The following ANK3 variants were observed in gnomAD, a reference collection of about 807,000 sequenced individuals.
ANK3 encodes ankyrin-3.
In ANK3, 57 loss-of-function variants were observed where a neutral mutation model predicts 370.9. The ratio of observed to expected loss-of-function variants is 0.15; its 90% CI spans 0.12 to 0.19. The LOEUF (loss-of-function observed/expected upper bound fraction) is 0.19, where lower values mean the gene tolerates loss of function less well. Among genes scored for constraint, ANK3 ranks in the 10% least tolerant of loss-of-function variants. The probability of loss-of-function intolerance (pLI) is 1.00; values close to 1 mark genes in which losing one functional copy is unlikely to be tolerated. For synonymous variants in ANK3, 1,929 were observed against 1,946.3 expected (o/e 0.99, Z 0.23); for missense variants, 4,439 against 5,302.1 (o/e 0.84, Z 5.06).
At chr10:60,496,621 T>C (rs2075662776) in intron 2 of ANK3, among the ~76,000 whole-genome samples, 1 of 151,938 alleles carries the variant, frequency 6.6e-6, no homozygotes, top group African/African-American at 2.4e-5. Context: ...CTTTTTATTA[T>C]TATGGCTCAA....
chr10:60,321,302 C>G (rs979066647), intron 1 of ANK3, among the ~76,000 whole-genome samples: 1 of 151,610 alleles, frequency 6.6e-6, no homozygotes, highest in Non-Finnish European at 1.5e-5. Context: ...GTTGGAGGAT[C>G]ACTTGAACTT....
intron 2 of ANK3, among the ~76,000 whole-genome samples, chr10:60,394,924 A>C (rs2063185090): frequency 6.6e-6 from 1 of 152,100 alleles, no homozygotes; most frequent in African/African-American, 2.4e-5. Flanking sequence ...TATATAAGGA[A>C]GTTTTATTCA....
chr10:60,081,743 C>T (rs1221376476), intron 35 of ANK3: 4 of 288,416 alleles, frequency 1.4e-5, no homozygotes, highest in Non-Finnish European at 2.1e-5. Context: ...GTCTATTTGG[C>T]GGGTTCGAAG....
chr10:60,394,130 C>T (rs142324777), upstream of ANK3, among the ~76,000 whole-genome samples: 4 of 148,806 alleles, frequency 2.7e-5, no homozygotes, highest in East Asian at 2.0e-4. Flanking sequence ...CAAAGAAATC[C>T]GGATCCACGA....
intron 1 of ANK3, among the ~76,000 whole-genome samples, chr10:60,708,250 AG>A (rs1412091176): frequency 6.6e-6 from 1 of 152,236 alleles, no homozygotes; most frequent in African/African-American, 2.4e-5. Context: ...CTGCTGTAAC[AG>A]GTAGACAATC....
chr10:60,214,430 C>T (rs1237569160), intron 8 of ANK3, among the ~76,000 whole-genome samples: 1 of 151,988 alleles, frequency 6.6e-6, no homozygotes, highest in Non-Finnish European at 1.5e-5. Flanking sequence ...ATGTGCAGAA[C>T]GTGTAGGTTT....
intron 1 of ANK3, among the ~76,000 whole-genome samples, chr10:60,689,838 C>A (rs1270455749): frequency 6.6e-6 from 1 of 151,040 alleles, no homozygotes; most frequent in Non-Finnish European, 1.5e-5. Flanking sequence ...AGATAAAACT[C>A]AAAATTATGT....
chr10:60,409,845 T>C (rs1254555618), intron 2 of ANK3, among the ~76,000 whole-genome samples: 3 of 152,294 alleles, frequency 2.0e-5, no homozygotes, highest in East Asian at 3.9e-4. Context: ...ATGATGTGCC[T>C]CCCACGAGTC....
chr10:60,071,793 T>C lies in ANK3; in HGVS notation c.9088A>G (p.Ser3030Gly), dbSNP rs367808856. The change falls in exon 37 of 44, where the codon AGT becomes GGT. Residue 3030 changes from serine (S) to glycine (G), a missense_variant. Transcript: ENST00000280772. The part of the protein sequence containing the change: ...SEISKVSKHQ[S>G]YVGLCPPLEE... The stretch of plus-strand genomic sequence containing the variant: ...AGAGGTGGGCATAAACCTACATAAC[T>C]CTGGTGTTTGGAAACTTTGCTGATT... The C allele has an allele frequency of 5.0e-6, 8 of 1,608,750 alleles. No homozygotes were observed. Among genetic ancestry groups the C allele is most frequent in the Non-Finnish European group, 6.8e-6 (8 of 1,177,512 alleles).
At chr10:60,625,679 C>T (rs530298718) in intron 1 of ANK3, among the ~76,000 whole-genome samples, 21 of 152,270 alleles carry the variant, frequency 1.4e-4, no homozygotes, top group African/African-American at 5.1e-4. Flanking sequence ...TTAATATCTA[C>T]AATCTCATCC....
chr10:60,720,900 A>G (rs1207479619), intron 1 of ANK3, among the ~76,000 whole-genome samples: 2 of 152,214 alleles, frequency 1.3e-5, no homozygotes, highest in African/African-American at 4.8e-5. Context: ...GGCATGGGAC[A>G]CCAAGCCCAG....
intron 2 of ANK3, among the ~76,000 whole-genome samples, chr10:60,403,236 C>T (rs979085397): frequency 6.6e-6 from 1 of 152,056 alleles, no homozygotes; most frequent in African/African-American, 2.4e-5. Flanking sequence ...AAATTCCACA[C>T]CTATATGGTT....
At chr10:60,226,496 CTATAGTATATATACATAG>C (rs2097151704) in intron 8 of ANK3, among the ~76,000 whole-genome samples, 1 of 80,666 alleles carries the variant, frequency 1.2e-5, no homozygotes, top group African/African-American at 7.8e-5. Context: ...TATACATATA[CTATAGTATATATACATAG>C]TATATATACT....
Position 60,172,987 on chromosome 10 carries a change from C to T in ANK3, c.2295G>A (p.Thr765=), listed in dbSNP as rs754535613. Residue 765 remains threonine (T), a synonymous_variant, in exon 20 of 44, where the codon ACG becomes ACA. Transcript: ENST00000280772. ...KVNAKTKNGY[T]PLHQAAQQGH... ...CCTGCTGTGCTGCTTGATGTAATGGCGTATACCCATTCTGTAGAAGGAAGA... is the reference window on the plus strand; with the variant it reads ...CCTGCTGTGCTGCTTGATGTAATGGTGTATACCCATTCTGTAGAAGGAAGA... 15 of 1,611,518 alleles carry T rather than the reference C, an allele frequency of 9.3e-6. No homozygotes were observed. Among genetic ancestry groups the T allele is most frequent in the East Asian group, 6.7e-5 (3 of 44,832 alleles).
Position 60,208,247 on chromosome 10 carries a change from A to G in ANK3, c.997-14T>C, listed in dbSNP as rs201296789. On this transcript the variant is annotated splice_polypyrimidine_tract_variant and intron_variant, in intron 9 of 43. Transcript: ENST00000280772. ...AGATAATCCATTCTGGAACACATAA[A>G]GAAATCAGAGTTCATTCTTTTACCT... 1 of 1,611,148 alleles carries G rather than the reference A, an allele frequency of 6.2e-7. No homozygotes were observed. Among genetic ancestry groups the G allele is most frequent in the East Asian group, 2.2e-5 (1 of 44,868 alleles).
chr10:60,241,922 G>C (rs930370923), intron 7 of ANK3, among the ~76,000 whole-genome samples: 4 of 152,072 alleles, frequency 2.6e-5, no homozygotes, highest in Admixed American at 6.6e-5. Flanking sequence ...ATTTGACTGA[G>C]CAAAATTACA....
At chr10:60,080,906 T>C (rs1033043371) in intron 35 of ANK3, among the ~76,000 whole-genome samples, 1 of 152,222 alleles carries the variant, frequency 6.6e-6, no homozygotes, top group African/African-American at 2.4e-5. Flanking sequence ...ACTGTTCATA[T>C]TGAAAGCACA....
chr10:60,595,920 C>T (rs1439990885), intron 2 of ANK3, among the ~76,000 whole-genome samples: 1 of 152,002 alleles, frequency 6.6e-6, no homozygotes, highest in Admixed American at 6.6e-5. Flanking sequence ...CAGATATTGC[C>T]AACAAGAAAG....
intron 1 of ANK3, among the ~76,000 whole-genome samples, chr10:60,316,043 A>G (rs1211472452): frequency 6.6e-6 from 1 of 152,144 alleles, no homozygotes; most frequent in Non-Finnish European, 1.5e-5. Flanking sequence ...CCAGAGACTC[A>G]GGGCTCCCTC....
Sources: gnomAD v4.1 joint callset for allele counts (sites outside exome capture counted in the v4.1 genomes callset) on GRCh38, gnomAD v4.1.1 for gene constraint, MANE v1.5 for transcripts, NCBI Gene and HGNC (gene_info 2026-07-23, HGNC 2026-07-21) for gene names.